Variants in ADAMTS6 observed in about 807,000 individuals in gnomAD.
ADAMTS6 encodes the protein A disintegrin and metalloproteinase with thrombospondin motifs 6.
ADAMTS6 carries 23 observed loss-of-function variants against 144.3 expected under a neutral mutation model. The ratio of observed to expected loss-of-function variants is 0.16; its 90% CI spans 0.11 to 0.23. ADAMTS6 has a LOEUF of 0.23. ADAMTS6 is among the 10% of genes least tolerant of loss of function. The probability of loss-of-function intolerance (pLI) is 1.00; values close to 1 mark genes in which losing one functional copy is unlikely to be tolerated. For synonymous variants in ADAMTS6, 444 were observed against 457.5 expected, an observed-to-expected ratio of 0.97 and a Z score of 0.38; for missense variants, 999 against 1,379.6, an observed-to-expected ratio of 0.72 and a Z score of 4.37.
At chr5:65,197,944 G>A (rs1371806108) in intron 20 of ADAMTS6, among the ~76,000 whole-genome samples, 1 of 151,970 alleles carries the variant, frequency 6.6e-6, no homozygotes, top group African/African-American at 2.4e-5. Context: ...ACCATAACTT[G>A]CTCACATTTC....
chr5:65,259,778 T>C (rs911066638), intron 14 of ADAMTS6, among the ~76,000 whole-genome samples: 3 of 152,186 alleles, frequency 2.0e-5, no homozygotes, highest in African/African-American at 4.8e-5. Context: ...TGTATGTTTA[T>C]GAAAAAAATT....
intron 7 of ADAMTS6, among the ~76,000 whole-genome samples, chr5:65,366,728 T>C (rs941204166): frequency 6.6e-6 from 1 of 152,160 alleles, no homozygotes; most frequent in African/African-American, 2.4e-5. Context: ...ATCAGTAAAA[T>C]CTAAATTCAA....
chr5:65,160,317 T>G (rs1005145737), intron 24 of ADAMTS6, among the ~76,000 whole-genome samples: 1 of 151,806 alleles, frequency 6.6e-6, no homozygotes, highest in Non-Finnish European at 1.5e-5. Context: ...TTCTTTTTTT[T>G]TTTTTTTTGA....
intron 7 of ADAMTS6, among the ~76,000 whole-genome samples, chr5:65,400,870 C>A (rs564269801): frequency 3.3e-5 from 5 of 152,290 alleles, no homozygotes; most frequent in Non-Finnish European, 5.9e-5. Context: ...TCCGTTACAG[C>A]GTTTTTGATC....
At position 65,376,251 on chromosome 5, in the gene ADAMTS6, TAAAGTA is replaced by T. The variant is rs542641183; in HGVS notation, c.1074-42172_1074-42167del. On this transcript the variant is annotated intron_variant, in intron 7 of 24. Coordinates refer to ENST00000381055, the MANE Select transcript of ADAMTS6 (RefSeq NM_197941.4). ...CATTGTGCACATGTACCCTAAAACT[TAAAGTA>T]AAATAATAATAAAAAATAAAAACAT... is the stretch of plus-strand genomic sequence containing the variant. Among the ~76,000 whole-genome samples, 1,247 of 152,036 alleles carry T rather than the reference TAAAGTA, an allele frequency of 8.2e-3. 13 individuals carry two copies. The highest frequency in any genetic ancestry group is 0.035 in the South Asian group (170 of 4,810).
At position 65,256,961 on chromosome 5, in the gene ADAMTS6, TTCTCTC is replaced by T. The variant is rs55933758; in HGVS notation, c.1830+3633_1830+3638del. Among the ~76,000 whole-genome samples the T allele has an allele frequency of 9.7e-4, 114 of 118,048 alleles. 1 individual carries two copies. The highest frequency in any genetic ancestry group is 3.2e-3 in the African/African-American group (83 of 25,946). The allele number at this position is 118,048 out of a possible 152,430, so 77.4% of individuals were successfully genotyped here. A position where few individuals can be genotyped will look rare whatever the true frequency, so the allele number is the denominator to read the frequency against. ...TGGTTTAATAAATAAGGGTCACTTTTTCTCTCTCTCTCTCTCTCTCTCTCTTTTTTT... is the reference window on the plus strand; with the variant it reads ...TGGTTTAATAAATAAGGGTCACTTTTTCTCTCTCTCTCTCTCTCTTTTTTT... On this transcript the variant is annotated intron_variant, in intron 14 of 24. Transcript: ENST00000381055.
chr5:65,372,723 C>T (rs971361401), intron 7 of ADAMTS6, among the ~76,000 whole-genome samples: 1 of 152,010 alleles, frequency 6.6e-6, no homozygotes, highest in African/African-American at 2.4e-5. Flanking sequence ...ATAAGGATAC[C>T]CAGGAATTGA....
chr5:65,155,234 T>TTA (rs1210371123), intron 24 of ADAMTS6, among the ~76,000 whole-genome samples: 3 of 152,064 alleles, frequency 2.0e-5, no homozygotes, highest in East Asian at 1.9e-4. Context: ...TAAACATATA[T>TTA]TATATATATA....
intron 20 of ADAMTS6, among the ~76,000 whole-genome samples, chr5:65,200,542 C>T (rs909461944): frequency 1.3e-5 from 2 of 152,092 alleles, no homozygotes; most frequent in Non-Finnish European, 1.5e-5. Flanking sequence ...TAGTTTATAA[C>T]CAAAACATAA....
chr5:65,440,844 AC>A (rs1315673188), intron 7 of ADAMTS6, among the ~76,000 whole-genome samples: 3 of 152,198 alleles, frequency 2.0e-5, no homozygotes, highest in Non-Finnish European at 1.5e-5. Context: ...CTGAATTGGT[AC>A]TACAAAACAA....
At chr5:65,235,983 A>T (rs1186497384) in intron 15 of ADAMTS6, among the ~76,000 whole-genome samples, 1 of 152,228 alleles carries the variant, frequency 6.6e-6, no homozygotes, top group Non-Finnish European at 1.5e-5. Context: ...TATTTCAGAC[A>T]CTTCTTCTTC....
At chr5:65,260,437 T>C (rs1280902101) in intron 14 of ADAMTS6, among the ~76,000 whole-genome samples, 163 bp downstream of exon 14, 1 of 152,076 alleles carries the variant, frequency 6.6e-6, no homozygotes, top group Admixed American at 6.5e-5. Context: ...ATTAATGGAA[T>C]TGATGGAGCT....
intron 9 of ADAMTS6, among the ~76,000 whole-genome samples, chr5:65,304,433 A>T (rs1336250596): frequency 6.6e-6 from 1 of 152,156 alleles, no homozygotes; most frequent in Non-Finnish European, 1.5e-5. Context: ...ATATGAGTGG[A>T]TCTTTTTTGG....
At chr5:65,192,411 T>C (rs946546447) in intron 21 of ADAMTS6, among the ~76,000 whole-genome samples, 3 of 152,048 alleles carry the variant, frequency 2.0e-5, no homozygotes, top group Non-Finnish European at 4.4e-5. Flanking sequence ...TTAAAATGAA[T>C]AGTTCTCTTG....
intron 9 of ADAMTS6, among the ~76,000 whole-genome samples, chr5:65,309,866 G>A (rs1219587837): frequency 6.6e-6 from 1 of 151,950 alleles, no homozygotes; most frequent in Non-Finnish European, 1.5e-5. Flanking sequence ...CAGCACTCTG[G>A]GAGACTGAGG....
chr5:65,335,314 T>G (rs1413541243), intron 7 of ADAMTS6, among the ~76,000 whole-genome samples: 2 of 152,178 alleles, frequency 1.3e-5, no homozygotes, highest in Non-Finnish European at 2.9e-5. Context: ...CTATTTCTTC[T>G]TTTGTAATTG....
At chr5:65,187,578 T>C (rs1417104290) in intron 22 of ADAMTS6, among the ~76,000 whole-genome samples, 3 of 152,186 alleles carry the variant, frequency 2.0e-5, no homozygotes, top group Admixed American at 6.5e-5. Flanking sequence ...AAAAAAGATA[T>C]TTTAAAAATT....
intron 22 of ADAMTS6, among the ~76,000 whole-genome samples, chr5:65,174,556 G>A (rs1753848942): frequency 6.6e-6 from 1 of 152,150 alleles, no homozygotes; most frequent in Admixed American, 6.5e-5. Flanking sequence ...CTGGACATCT[G>A]AAACTTGGTA....
intron 7 of ADAMTS6, among the ~76,000 whole-genome samples, chr5:65,337,361 A>T (rs1747401470): frequency 6.6e-6 from 1 of 151,996 alleles, no homozygotes; most frequent in South Asian, 2.1e-4. Context: ...CTATTATCTC[A>T]TATTTTACCT....
Sources: allele counts gnomAD v4.1 joint callset (sites outside exome capture counted in the v4.1 genomes callset), GRCh38; gene constraint gnomAD v4.1.1; transcripts MANE v1.5; gene names NCBI Gene and HGNC (gene_info 2026-07-23, HGNC 2026-07-21).